Variants in KATNBL1 observed in about 807,000 individuals in gnomAD.
The protein encoded by KATNBL1 is KATNB1-like protein 1.
A neutral mutation model predicts 44.7 loss-of-function variants in KATNBL1; 28 were observed. The observed-to-expected ratio is 0.63, with a 90% confidence interval of 0.46 to 0.86. The LOEUF is 0.86. Ranked by LOEUF, KATNBL1 falls within the 40% of genes least tolerant of loss-of-function variation. The pLI is 0.00. For synonymous variants in KATNBL1, 78 were observed against 114.9 expected (o/e 0.68, Z 2.06); for missense variants, 272 against 350.7 (o/e 0.78, Z 1.79).
chr15:34,148,974 C>G (rs1888390005), intron 4 of KATNBL1, among the ~76,000 whole-genome samples: 1 of 152,044 alleles, frequency 6.6e-6, no homozygotes, highest in Non-Finnish European at 1.5e-5. Flanking sequence ...CTTTTAAAAC[C>G]CAATAATTTA....
At chr15:34,188,421 T>C (rs1484183580) in intron 1 of KATNBL1, among the ~76,000 whole-genome samples, 1 of 151,972 alleles carries the variant, frequency 6.6e-6, no homozygotes, top group Non-Finnish European at 1.5e-5. Context: ...CCAGGCATAA[T>C]GGCACATGCC....
At chr15:34,170,200 A>C (rs920065954) in intron 1 of KATNBL1, among the ~76,000 whole-genome samples, 6 of 152,250 alleles carry the variant, frequency 3.9e-5, no homozygotes, top group Non-Finnish European at 8.8e-5. Context: ...CCATCATCTC[A>C]GCCCAAAATC....
chr15:34,154,399 T>C (rs1357695457), intron 3 of KATNBL1, among the ~76,000 whole-genome samples: 1 of 152,240 alleles, frequency 6.6e-6, no homozygotes, highest in Admixed American at 6.5e-5. Context: ...TTAACTTATC[T>C]GATCTTAAGT....
At chr15:34,199,901 G>C (rs1017217256) in intron 1 of KATNBL1, 4 of 152,136 alleles carry the variant, frequency 2.6e-5, no homozygotes, top group Non-Finnish European at 5.9e-5. Context: ...TTGCCACTAG[G>C]GCTAGGTGGC....
intron 2 of KATNBL1, among the ~76,000 whole-genome samples, chr15:34,161,012 TGGG>T (rs1174912632): frequency 6.6e-6 from 1 of 152,176 alleles, no homozygotes; most frequent in Non-Finnish European, 1.5e-5. Flanking sequence ...AGATCCCTCT[TGGG>T]ATTGGCAGGT....
chr15:34,207,774 T>C (rs540310896), intron 1 of KATNBL1, among the ~76,000 whole-genome samples: 1 of 152,272 alleles, frequency 6.6e-6, no homozygotes, highest in African/African-American at 2.4e-5. Context: ...CAAAATATTT[T>C]AAATTTTTTG....
intron 3 of KATNBL1, among the ~76,000 whole-genome samples, chr15:34,153,578 T>A (rs1335977875): frequency 1.3e-5 from 2 of 151,928 alleles, no homozygotes; most frequent in African/African-American, 4.8e-5. Context: ...CTCAAAAATT[T>A]TTTTTTTTTT....
intron 1 of KATNBL1, among the ~76,000 whole-genome samples, chr15:34,204,843 C>T (rs1169297436): frequency 6.6e-6 from 1 of 152,104 alleles, no homozygotes; most frequent in East Asian, 1.9e-4. Flanking sequence ...ATGCAGAAGT[C>T]CCTGAATGCT....
chr15:34,143,793 CAAAAAAAAAAAA>C (rs560420668), intron 9 of KATNBL1, among the ~76,000 whole-genome samples: 4 of 64,158 alleles, frequency 6.2e-5, no homozygotes, highest in Admixed American at 2.1e-4. Context: ...ACTAAAAATA[CAAAAAAAAAAAA>C]AAAAAAAAAA....
At position 34,178,585 on chromosome 15, in the gene KATNBL1, G is replaced by A. The variant is rs970140300; in HGVS notation, c.-14-14895C>T. Among the ~76,000 whole-genome samples the A allele has an allele frequency of 1.4e-4, 21 of 152,098 alleles. No individual in the cohort carries two copies. The East Asian group carries it at 2.1e-3, about 15-fold the overall frequency. On this transcript the variant is annotated intron_variant, in intron 1 of 9. Transcript: ENST00000256544. ...ATCCTGGCTAACCCGGTGAAACCCT[G>A]TCTCTACTAAAAATACAAAAATTAG...
intron 1 of KATNBL1, among the ~76,000 whole-genome samples, chr15:34,193,297 G>A (rs1008022889): frequency 6.6e-6 from 1 of 151,784 alleles, no homozygotes; most frequent in African/African-American, 2.4e-5. Context: ...ACTTTGGGAG[G>A]CTGAGGCAGG....
intron 1 of KATNBL1, among the ~76,000 whole-genome samples, chr15:34,164,975 T>G (rs1025002657): frequency 6.6e-6 from 1 of 152,234 alleles, no homozygotes; most frequent in Non-Finnish European, 1.5e-5. Flanking sequence ...AACATACACA[T>G]GAAATTTTAC....
chr15:34,191,109 G>A (rs1477766463), intron 1 of KATNBL1, among the ~76,000 whole-genome samples: 2 of 148,842 alleles, frequency 1.3e-5, no homozygotes, highest in Non-Finnish European at 3.0e-5. Context: ...ATGTATTTCT[G>A]TCACTATAGT....
At chr15:34,207,254 G>A (rs560962124) in intron 1 of KATNBL1, among the ~76,000 whole-genome samples, 15 of 152,148 alleles carry the variant, frequency 9.9e-5, no homozygotes, top group African/African-American at 3.6e-4. Context: ...TGTCGCCCAG[G>A]CTGGAAGGCA....
At chr15:34,196,625 G>T (rs1890037456) in intron 1 of KATNBL1, among the ~76,000 whole-genome samples, 3 of 152,090 alleles carry the variant, frequency 2.0e-5, no homozygotes, top group African/African-American at 7.2e-5. Context: ...CTACTCGGGA[G>T]GCTGATGCAG....
chr15:34,178,391 T>A lies in KATNBL1; in HGVS notation c.-14-14701A>T, dbSNP rs115798438. On this transcript the variant is annotated intron_variant, in intron 1 of 9. Coordinates refer to ENST00000256544, the MANE Select transcript of KATNBL1 (RefSeq NM_024713.3). ...CCACCAGGAGATTCATGGGGCCTTA[T>A]CACAAGTTTTCCCATGAGGCAGCTA... Among the ~76,000 whole-genome samples the A allele has an allele frequency of 5.8e-3, 876 of 152,198 alleles. 12 individuals are homozygous for A. Among genetic ancestry groups the A allele is most frequent in the African/African-American group, 0.02 (823 of 41,524 alleles).
intron 1 of KATNBL1, among the ~76,000 whole-genome samples, chr15:34,191,347 A>T (rs78196779): frequency 0.11 from 16,800 of 151,808 alleles, 1,146 homozygotes; most frequent in Non-Finnish European, 0.15. Context: ...CTACTGATGG[A>T]CATTTGGGTT....
intron 9 of KATNBL1, chr15:34,145,159 T>C (rs1597421843): frequency 1.5e-6 from 2 of 1,303,154 alleles, no homozygotes; most frequent in East Asian, 4.6e-5. Flanking sequence ...TCTGTAAATA[T>C]CCTCTAGCAT....
chr15:34,182,993 A>C (rs1293230334), intron 1 of KATNBL1, among the ~76,000 whole-genome samples: 6 of 122,960 alleles, frequency 4.9e-5, no homozygotes, highest in Non-Finnish European at 1.1e-4. Flanking sequence ...GCACACAGCT[A>C]TCCATGGCTT....
Sources: allele counts gnomAD v4.1 joint callset (sites outside exome capture counted in the v4.1 genomes callset), GRCh38; gene constraint gnomAD v4.1.1; transcripts MANE v1.5; gene names NCBI Gene and HGNC (gene_info 2026-07-23, HGNC 2026-07-21).